ABCG2: variants seen among roughly 807,000 people sequenced by gnomAD.
ABCG2 encodes broad substrate specificity ATP-binding cassette transporter ABCG2.
In ABCG2, 80 loss-of-function variants were observed where a neutral mutation model predicts 73.5. That is an observed-to-expected ratio of 1.09 (90% CI 0.91 to 1.31). ABCG2 has a LOEUF of 1.31. ABCG2 is among the 50% of genes most tolerant of loss of function. The pLI is 0.00. For missense variants in ABCG2, 796 were observed against 786.2 expected, an observed-to-expected ratio of 1.01 and a Z score of -0.15; for synonymous variants, 269 against 282.4, an observed-to-expected ratio of 0.95 and a Z score of 0.48.
At chr4:88,225,266 C>T (rs961714895) in intron 1 of ABCG2, among the ~76,000 whole-genome samples, 3 of 152,054 alleles carry the variant, frequency 2.0e-5, no homozygotes, top group African/African-American at 7.2e-5. Flanking sequence ...AAGCAGTTGT[C>T]GACAATGCAT....
At chr4:88,186,604 T>C (rs1728462661) in intron 1 of ABCG2, among the ~76,000 whole-genome samples, 1 of 152,098 alleles carries the variant, frequency 6.6e-6, no homozygotes, top group Non-Finnish European at 1.5e-5. Context: ...GGTGAAATCC[T>C]GTCTCTACTA....
chr4:88,098,645 G>GAGAGAGAT (rs145841198), intron 12 of ABCG2, among the ~76,000 whole-genome samples: 19 of 143,904 alleles, frequency 1.3e-4, no homozygotes, highest in African/African-American at 2.3e-4. Flanking sequence ...GAGACAGGGA[G>GAGAGAGAT]AGATAGATAG....
chr4:88,110,536 C>G (rs1723068245), intron 9 of ABCG2, among the ~76,000 whole-genome samples: 1 of 152,014 alleles, frequency 6.6e-6, no homozygotes, highest in South Asian at 2.1e-4. Flanking sequence ...GAGCATGACT[C>G]TGTCTCAGAA....
chr4:88,201,499 A>G (rs538997641), intron 1 of ABCG2, among the ~76,000 whole-genome samples: 2 of 152,344 alleles, frequency 1.3e-5, no homozygotes, highest in African/African-American at 4.8e-5. Context: ...AATAATTAAT[A>G]AACTTCCAAA....
intron 5 of ABCG2, 125 bp downstream of exon 5, chr4:88,130,936 T>G: frequency 4.5e-6 from 5 of 1,101,574 alleles, no homozygotes; most frequent in Non-Finnish European, 5.2e-6. Flanking sequence ...CTTTTCTCAT[T>G]GTTATGGAAA....
intron 9 of ABCG2, among the ~76,000 whole-genome samples, chr4:88,112,510 C>T (rs1723209904): frequency 1.3e-5 from 2 of 151,774 alleles, no homozygotes; most frequent in Admixed American, 1.3e-4. Flanking sequence ...ATCTAACATG[C>T]TATCTATTTA....
At chr4:88,183,648 T>TGCCA in intron 1 of ABCG2, among the ~76,000 whole-genome samples, 1 of 151,842 alleles carries the variant, frequency 6.6e-6, no homozygotes, top group South Asian at 2.1e-4. Context: ...TAAGGAAAAA[T>TGCCA]GCCAATTCTA....
chr4:88,162,603 A>G (rs1393777210), upstream of ABCG2, among the ~76,000 whole-genome samples: 8 of 152,226 alleles, frequency 5.3e-5, no homozygotes, highest in Non-Finnish European at 1.5e-5. Context: ...ATTCTATTTG[A>G]TAAGTTCAGA....
rs984851135 is a variant in ABCG2 at position 88,117,996 on chromosome 4, G to A, written c.841+113C>T. On this transcript the variant is annotated intron_variant, in intron 7 of 15. Coordinates refer to ENST00000237612, the MANE Select transcript of ABCG2 (RefSeq NM_004827.3). ...GGAACAAACACATTTTGAAGTGATA[G>A]ATTCTCATGGTATGTCTACCCAAAG... The A allele has an allele frequency of 9.7e-6, 10 of 1,031,624 alleles. No individual in the cohort carries two copies. The African/African-American group carries it at 1.3e-4, about 14-fold the overall frequency. 63.9% of individuals were successfully genotyped at this position (1,031,624 alleles called of 1,614,324 possible). A position where few individuals can be genotyped will look rare whatever the true frequency, so the allele number is the denominator to read the frequency against.
chr4:88,153,419 G>A (rs550370820), intron 1 of ABCG2, among the ~76,000 whole-genome samples: 10 of 151,990 alleles, frequency 6.6e-5, no homozygotes, highest in Admixed American at 2.6e-4. Flanking sequence ...AGACAGGCCC[G>A]AATTCTGAGA....
At position 88,131,124 on chromosome 4, in the gene ABCG2, T is replaced by C. The variant is rs773483216; in HGVS notation, c.468A>G (p.Glu156=). ...LRLATTMTNH[E]KNERINRVIQ... is the part of the protein sequence containing the mutation. ...TGACCCTGTTAATCCGTTCGTTTTTTTCATGATTCGTCATAGTTGTTGCAA... is the reference window on the plus strand; with the variant it reads ...TGACCCTGTTAATCCGTTCGTTTTTCTCATGATTCGTCATAGTTGTTGCAA... Residue 156 remains glutamate, a synonymous_variant, in exon 5 of 16, where the codon GAA becomes GAG. Coordinates refer to ENST00000237612, the MANE Select transcript of ABCG2 (RefSeq NM_004827.3). 1.2e-5 allele frequency: 19 copies of C among 1,614,074 alleles called. No individual in the cohort carries two copies. The South Asian group carries it at 1.3e-4, about 11-fold the overall frequency.
At chr4:88,122,686 C>T (rs1465520282) in intron 5 of ABCG2, among the ~76,000 whole-genome samples, 1 of 152,196 alleles carries the variant, frequency 6.6e-6, no homozygotes, top group Admixed American at 6.5e-5. Context: ...GATAAAACTC[C>T]CACCTCCCTG....
chr4:88,222,051 G>T (rs1322560608), intron 1 of ABCG2, among the ~76,000 whole-genome samples: 4 of 152,188 alleles, frequency 2.6e-5, no homozygotes, highest in African/African-American at 9.6e-5. Context: ...CTCTTGCTAT[G>T]TGCAACCTTG....
chr4:88,159,053 C>G (rs1204313224), upstream of ABCG2: 1 of 435,102 alleles, frequency 2.3e-6, no homozygotes, highest in East Asian at 7.4e-5. Flanking sequence ...GAGCCGCCAG[C>G]AGGACTGGTA....
intron 1 of ABCG2, among the ~76,000 whole-genome samples, chr4:88,157,654 T>C (rs1270151811): frequency 2.6e-5 from 4 of 152,198 alleles, no homozygotes; most frequent in Non-Finnish European, 4.4e-5. Flanking sequence ...ATCTTTGTCG[T>C]TGAAACCTTT....
At chr4:88,179,606 T>C (rs1728150849) in intron 1 of ABCG2, among the ~76,000 whole-genome samples, 1 of 152,200 alleles carries the variant, frequency 6.6e-6, no homozygotes, top group African/African-American at 2.4e-5. Context: ...ATATGACCTT[T>C]CTTTCAAACA....
At chr4:88,129,256 T>C (rs1724667597) in intron 5 of ABCG2, among the ~76,000 whole-genome samples, 1 of 152,214 alleles carries the variant, frequency 6.6e-6, no homozygotes, top group Non-Finnish European at 1.5e-5. Flanking sequence ...CTGGGAAATC[T>C]ATGTAAATGA....
chr4:88,102,027 C>T (rs1722459356), intron 10 of ABCG2, among the ~76,000 whole-genome samples: 2 of 152,132 alleles, frequency 1.3e-5, no homozygotes, highest in Admixed American at 1.3e-4. Context: ...TAAAGTTGAA[C>T]AAAGAATGTA....
intron 9 of ABCG2, among the ~76,000 whole-genome samples, chr4:88,109,135 A>T: frequency 6.6e-6 from 1 of 151,704 alleles, no homozygotes; most frequent in East Asian, 1.9e-4. Context: ...AGCAACTGGG[A>T]TTACATGCGC....
Sources: allele counts gnomAD v4.1 joint callset (sites outside exome capture counted in the v4.1 genomes callset), GRCh38; gene constraint gnomAD v4.1.1; transcripts MANE v1.5; gene names NCBI Gene and HGNC (gene_info 2026-07-23, HGNC 2026-07-21).